Variants in LARP4B observed in about 807,000 individuals in gnomAD.
The protein encoded by LARP4B is La ribonucleoprotein 4B, also known as la-related protein 4B.
Under a neutral mutation model 89.8 loss-of-function variants are expected in LARP4B, and 12 were observed. The ratio of observed to expected loss-of-function variants is 0.13; its 90% CI spans 0.09 to 0.22. The LOEUF (loss-of-function observed/expected upper bound fraction) is 0.22. Ranked by LOEUF, LARP4B falls within the 10% of genes least tolerant of loss-of-function variation. The pLI is 1.00. For synonymous variants in LARP4B, 367 were observed against 363.3 expected (o/e 1.01, Z -0.12); for missense variants, 757 against 947.7 (o/e 0.80, Z 2.64).
At chr10:838,680 A>G (rs61830904) in intron 7 of LARP4B, among the ~76,000 whole-genome samples, 2 of 152,208 alleles carry the variant, frequency 1.3e-5, no homozygotes, top group Non-Finnish European at 2.9e-5. Context: ...AAAGTGGTAC[A>G]TCCACTTTGG....
chr10:913,760 T>A (rs1028625512), intron 1 of LARP4B, among the ~76,000 whole-genome samples: 3 of 152,068 alleles, frequency 2.0e-5, no homozygotes, highest in Non-Finnish European at 4.4e-5. Context: ...AATACAAAAA[T>A]TAGCTGAGCA....
chr10:964,488 C>T, the LARP4B span, among the ~76,000 whole-genome samples: 6 of 151,948 alleles, frequency 3.9e-5, no homozygotes, highest in South Asian at 2.1e-4. Context: ...CAAGGATAGA[C>T]GAAGGAACCT....
At chr10:957,101 GA>G in the LARP4B span, among the ~76,000 whole-genome samples, 1 of 152,140 alleles carries the variant, frequency 6.6e-6, no homozygotes, top group Admixed American at 6.6e-5. Context: ...TTTGTGATGG[GA>G]GAGTGCAAGC....
chr10:955,181 C>G, the LARP4B span, among the ~76,000 whole-genome samples: 1 of 152,238 alleles, frequency 6.6e-6, no homozygotes, highest in Non-Finnish European at 1.5e-5. This position sits in a 1 kb window ranked among gnomAD's most constrained non-coding sequence, Gnocchi z 5.2. Context: ...ACAGTAGGCT[C>G]ACATTCCCTC....
the LARP4B span, among the ~76,000 whole-genome samples, chr10:969,503 A>G: frequency 6.6e-6 from 1 of 152,084 alleles, no homozygotes; most frequent in African/African-American, 2.4e-5. Flanking sequence ...GCAGAGGTGG[A>G]TAGATTACTT....
rs533699657 is a variant in LARP4B at position 817,776 on chromosome 10, G to C, written c.1644C>G (p.Asp548Glu). The change falls in exon 15 of 18, where the codon GAC becomes GAG. Residue 548 changes from aspartate (D) to glutamate (E), a missense_variant. Transcript: ENST00000316157. ...PGAAGNLKTE[D>E]LFENRLSSLI... ...AGCTAGATAGCCTGTTTTCAAACAA[G>C]TCCTCTGTCTTCAAATTGCCGGCAG... The C allele has an allele frequency of 8.7e-5, 141 of 1,614,206 alleles. No individual in the cohort carries two copies. Among genetic ancestry groups the C allele is most frequent in the South Asian group, 8.3e-4 (76 of 91,078 alleles).
At chr10:873,958 G>A (rs1835350377) in intron 3 of LARP4B, among the ~76,000 whole-genome samples, 2 of 152,204 alleles carry the variant, frequency 1.3e-5, no homozygotes, top group South Asian at 4.1e-4. Flanking sequence ...CAGGCCGGAC[G>A]TGGTGGCTCA....
intron 5 of LARP4B, among the ~76,000 whole-genome samples, chr10:852,552 T>C (rs1834110354): frequency 6.6e-6 from 1 of 152,222 alleles, no homozygotes; most frequent in Admixed American, 6.5e-5. Flanking sequence ...GAGTGCCTCT[T>C]GTAAGACCAG....
chr10:848,266 A>G (rs1833877496), intron 5 of LARP4B, among the ~76,000 whole-genome samples: 1 of 152,228 alleles, frequency 6.6e-6, no homozygotes, highest in African/African-American at 2.4e-5. Flanking sequence ...TCTTAAAAAC[A>G]AGATATGAAA....
intron 1 of LARP4B, among the ~76,000 whole-genome samples, chr10:914,939 T>G (rs544838975): frequency 6.6e-6 from 1 of 152,130 alleles, no homozygotes; most frequent in African/African-American, 2.4e-5. Flanking sequence ...TAATCAAGCT[T>G]GCTAAATTAG....
chr10:817,703 A>T (rs774631680), intron 15 of LARP4B, 22 bp downstream of exon 15: 1 of 1,605,108 alleles, frequency 6.2e-7, no homozygotes, highest in East Asian at 2.2e-5. Context: ...GGCAACTATT[A>T]GACATGCAAT....
chr10:948,790 C>T, the LARP4B span, among the ~76,000 whole-genome samples: 5 of 152,240 alleles, frequency 3.3e-5, no homozygotes, highest in East Asian at 1.9e-4. Context: ...TCACCAGGGC[C>T]ACTCTGAAGG....
chr10:867,125 T>G (rs142080890), intron 3 of LARP4B, among the ~76,000 whole-genome samples: 2 of 152,346 alleles, frequency 1.3e-5, no homozygotes, highest in Admixed American at 1.3e-4. Flanking sequence ...TACCTCTTAG[T>G]GAAGAAGTCC....
chr10:881,430 T>G (rs1835662909), intron 3 of LARP4B, among the ~76,000 whole-genome samples: 1 of 152,156 alleles, frequency 6.6e-6, no homozygotes, highest in African/African-American at 2.4e-5. Context: ...ACCCCTCGCT[T>G]TGTTACCTTA....
At chr10:969,789 T>C in the LARP4B span, among the ~76,000 whole-genome samples, 3 of 152,150 alleles carry the variant, frequency 2.0e-5, no homozygotes, top group Non-Finnish European at 2.9e-5. Context: ...GGAATGGAAC[T>C]ATCCCAAGAT....
At chr10:915,426 A>G (rs1427688622) in intron 1 of LARP4B, among the ~76,000 whole-genome samples, 1 of 116,364 alleles carries the variant, frequency 8.6e-6, no homozygotes, top group African/African-American at 2.6e-5. Context: ...AATAAGCTGG[A>G]AAAAAAAAGA....
intron 1 of LARP4B, among the ~76,000 whole-genome samples, chr10:898,729 G>A (rs1158579327): frequency 6.6e-6 from 1 of 152,192 alleles, no homozygotes; most frequent in African/African-American, 2.4e-5. Context: ...GTTTGGTAAG[G>A]ATTATTCTAA....
upstream of LARP4B, among the ~76,000 whole-genome samples, chr10:936,806 A>G (rs1280743503): frequency 1.3e-5 from 2 of 152,202 alleles, no homozygotes; most frequent in Non-Finnish European, 2.9e-5. Context: ...CTCCAGCCAC[A>G]AAAGCCACTC....
chr10:841,656 G>A (rs1833526830), intron 7 of LARP4B, among the ~76,000 whole-genome samples: 1 of 152,200 alleles, frequency 6.6e-6, no homozygotes, highest in African/African-American at 2.4e-5. Context: ...AGTACAAACA[G>A]GGACAAGAAT....
Sources: allele counts gnomAD v4.1 joint callset (sites outside exome capture counted in the v4.1 genomes callset), GRCh38; gene constraint gnomAD v4.1.1; non-coding constraint Gnocchi (gnomAD v3.1); transcripts MANE v1.5; gene names NCBI Gene and HGNC (gene_info 2026-07-23, HGNC 2026-07-21).